Variants in MDGA2 observed in about 807,000 individuals in gnomAD.
MDGA2 encodes MAM domain containing glycosylphosphatidylinositol anchor 2.
In MDGA2, 40 loss-of-function variants were observed where a neutral mutation model predicts 117.8. The observed-to-expected ratio is 0.34, with a 90% CI of 0.26 to 0.44. The LOEUF is 0.44. Ranked by LOEUF, MDGA2 falls within the 20% of genes least tolerant of loss-of-function variation. MDGA2 has a pLI of 1.00. For missense variants in MDGA2, 1,123 were observed against 1,250.6 expected, an observed-to-expected ratio of 0.90 and a Z score of 1.54; for synonymous variants, 452 against 439.0, an observed-to-expected ratio of 1.03 and a Z score of -0.37.
chr14:47,643,826 C>A (rs1214206465), intron 1 of MDGA2, among the ~76,000 whole-genome samples: 1 of 152,008 alleles, frequency 6.6e-6, no homozygotes, highest in Non-Finnish European at 1.5e-5. Context: ...CTCCACTTTT[C>A]TTTATTTAAA....
intron 1 of MDGA2, among the ~76,000 whole-genome samples, chr14:47,461,265 A>ATGTGTGTGTGTGTGTGTG (rs1415422668): frequency 7.5e-4 from 10 of 13,266 alleles, no homozygotes; most frequent in East Asian, 3.5e-3. Flanking sequence ...AGTTAAAAAA[A>ATGTGTGTGTGTGTGTGTG]TGTATGTGTG....
intron 1 of MDGA2, among the ~76,000 whole-genome samples, chr14:47,335,948 G>A (rs1216696779): frequency 6.6e-6 from 1 of 151,294 alleles, no homozygotes; most frequent in Admixed American, 6.6e-5. Context: ...GAAAAATGAT[G>A]TAGGATCCCT....
At chr14:46,943,096 C>G (rs1455232226) in intron 9 of MDGA2, among the ~76,000 whole-genome samples, 1 of 151,856 alleles carries the variant, frequency 6.6e-6, no homozygotes, top group African/African-American at 2.4e-5. Flanking sequence ...TAATTTGAAC[C>G]GTTATGTCTT....
At chr14:47,075,653 T>G (rs969477162) in intron 6 of MDGA2, among the ~76,000 whole-genome samples, 17 of 152,274 alleles carry the variant, frequency 1.1e-4, no homozygotes, top group African/African-American at 3.9e-4. Context: ...CAAGCTACTC[T>G]CAAAGGACTC....
intron 5 of MDGA2, among the ~76,000 whole-genome samples, chr14:47,115,312 A>G (rs1045870461): frequency 6.6e-6 from 1 of 151,978 alleles, no homozygotes; most frequent in Admixed American, 6.6e-5. Context: ...ACTCATTACT[A>G]GCTCATGTCT....
chr14:47,119,832 T>C (rs902740264), intron 5 of MDGA2, among the ~76,000 whole-genome samples: 2 of 152,184 alleles, frequency 1.3e-5, no homozygotes, highest in African/African-American at 4.8e-5. Flanking sequence ...TCTTTTCCAA[T>C]AGCTTTGTTT....
At chr14:47,237,104 A>G (rs912411920) in intron 2 of MDGA2, among the ~76,000 whole-genome samples, 1 of 152,176 alleles carries the variant, frequency 6.6e-6, no homozygotes. Context: ...CTAATTTGAC[A>G]GACATTATTA....
chr14:47,270,745 G>A (rs1330289578), intron 2 of MDGA2, among the ~76,000 whole-genome samples: 4 of 152,108 alleles, frequency 2.6e-5, no homozygotes, highest in Admixed American at 2.6e-4. Context: ...TTTAATTTAT[G>A]CTTGGAATAG....
chr14:47,494,918 G>GTA (rs988630925), intron 1 of MDGA2, among the ~76,000 whole-genome samples: 8 of 148,524 alleles, frequency 5.4e-5, no homozygotes, highest in East Asian at 2.0e-4. Flanking sequence ...GTGTATATGT[G>GTA]TATATATATA....
intron 15 of MDGA2, among the ~76,000 whole-genome samples, chr14:46,854,282 T>C (rs1881175961): frequency 6.6e-6 from 1 of 151,754 alleles, no homozygotes; most frequent in Non-Finnish European, 1.5e-5. Flanking sequence ...CTGTATAAGA[T>C]ATATGTCATA....
intron 2 of MDGA2, among the ~76,000 whole-genome samples, chr14:47,272,776 T>C (rs892967633): frequency 3.3e-5 from 5 of 152,194 alleles, no homozygotes; most frequent in African/African-American, 1.2e-4. Flanking sequence ...CACACCAGTG[T>C]GTTTTCACGG....
chr14:47,311,610 A>C (rs2139843511), intron 1 of MDGA2, among the ~76,000 whole-genome samples: 1 of 152,258 alleles, frequency 6.6e-6, no homozygotes. Flanking sequence ...ACAAGGTAGA[A>C]ATGATTCAGA....
chr14:46,974,518 T>TA (rs1886382463), intron 8 of MDGA2, among the ~76,000 whole-genome samples: 2 of 152,056 alleles, frequency 1.3e-5, no homozygotes, highest in African/African-American at 4.8e-5. Context: ...GGTACTGGCA[T>TA]AAAAATAGAC....
intron 2 of MDGA2, among the ~76,000 whole-genome samples, chr14:47,267,898 G>C (rs1489641630): frequency 6.6e-6 from 1 of 152,048 alleles, no homozygotes; most frequent in East Asian, 1.9e-4. Flanking sequence ...CTCAACATTA[G>C]GGTCAAAATG....
At chr14:47,046,872 C>G (rs1262005847) in intron 7 of MDGA2, among the ~76,000 whole-genome samples, 1 of 151,958 alleles carries the variant, frequency 6.6e-6, no homozygotes, top group Non-Finnish European at 1.5e-5. Context: ...CATGATTTAT[C>G]CAAATACACT....
chr14:47,422,983 T>G (rs1892610701), intron 1 of MDGA2, among the ~76,000 whole-genome samples: 1 of 152,206 alleles, frequency 6.6e-6, no homozygotes, highest in Non-Finnish European at 1.5e-5. Flanking sequence ...CTTAAACGAT[T>G]ATTAATTTCC....
At chr14:46,883,905 T>C (rs6572395) in intron 10 of MDGA2, among the ~76,000 whole-genome samples, 5,559 of 152,182 alleles carry the variant, frequency 0.037, 359 homozygotes, top group African/African-American at 0.13. Context: ...TATCTAAACA[T>C]ATAGTATGCA....
At chr14:47,042,520 C>T (rs1889115064) in intron 7 of MDGA2, among the ~76,000 whole-genome samples, 1 of 152,172 alleles carries the variant, frequency 6.6e-6, no homozygotes, top group South Asian at 2.1e-4. Context: ...AGTGCTGTTT[C>T]AGTGTTTGTG....
intron 1 of MDGA2, among the ~76,000 whole-genome samples, chr14:47,529,205 T>C (rs1476288344): frequency 6.6e-6 from 1 of 152,074 alleles, no homozygotes; most frequent in Non-Finnish European, 1.5e-5. Flanking sequence ...ACATCTGCAA[T>C]AAAGCTCATT....
Sources: allele counts gnomAD v4.1 joint callset (sites outside exome capture counted in the v4.1 genomes callset), GRCh38; gene constraint gnomAD v4.1.1; transcripts MANE v1.5; gene names NCBI Gene and HGNC (gene_info 2026-07-23, HGNC 2026-07-21).